The following MAPK10 variants were observed in gnomAD, a reference collection of about 807,000 sequenced individuals.
MAPK10 encodes JNK3 alpha protein kinase.
A neutral mutation model predicts 59.3 loss-of-function variants in MAPK10; 25 were observed. The ratio of observed to expected loss-of-function variants is 0.42; its 90% CI spans 0.31 to 0.59. The LOEUF is 0.59. MAPK10 is among the 20% of genes least tolerant of loss of function. The pLI is 0.15. For synonymous variants in MAPK10, 190 were observed against 200.5 expected (o/e 0.95, Z 0.44); for missense variants, 351 against 568.9 (o/e 0.62, Z 3.90).
chr4:86,541,471 A>G (rs1205699952), intron 1 of MAPK10, among the ~76,000 whole-genome samples: 8 of 152,210 alleles, frequency 5.3e-5, no homozygotes, highest in African/African-American at 1.9e-4. Context: ...GACCGCCACC[A>G]GGAAGGGGAG....
chr4:86,187,597 T>C lies in MAPK10; in HGVS notation c.66+6739A>G, dbSNP rs549450839. Among the ~76,000 whole-genome samples the C allele has an allele frequency of 2.0e-5, 3 of 152,298 alleles. No individual in the cohort carries two copies. The South Asian group carries it at 6.2e-4, about 32-fold the overall frequency. ...CTACTGTAAAGAATGAAACTATTTT[T>C]ATGGTTAAAGACCCATTTCAAGGAT... On this transcript the variant is annotated intron_variant, in intron 3 of 13. Coordinates refer to ENST00000641462, the MANE Select transcript of MAPK10 (RefSeq NM_138982.4).
intron 1 of MAPK10, among the ~76,000 whole-genome samples, chr4:86,526,818 C>T (rs1757499256): frequency 6.6e-6 from 1 of 152,080 alleles, no homozygotes; most frequent in African/African-American, 2.4e-5. Flanking sequence ...TTTGTTTACC[C>T]AAAAGTCATT....
intron 2 of MAPK10, among the ~76,000 whole-genome samples, chr4:86,249,447 T>C (rs2093303970): frequency 6.6e-6 from 1 of 152,106 alleles, no homozygotes; most frequent in South Asian, 2.1e-4. Flanking sequence ...CCCTGTTAAT[T>C]TGGAAAGAGA....
chr4:86,582,716 T>C (rs1342280819), intron 1 of MAPK10, among the ~76,000 whole-genome samples: 1 of 152,182 alleles, frequency 6.6e-6, no homozygotes, highest in Admixed American at 6.5e-5. Flanking sequence ...ACTAAACCAA[T>C]GAGCCCTCAA....
intron 1 of MAPK10, among the ~76,000 whole-genome samples, chr4:86,493,108 G>C (rs565723096): frequency 6.6e-6 from 1 of 152,138 alleles, no homozygotes; most frequent in Non-Finnish European, 1.5e-5. Context: ...TAAGGCAAAC[G>C]CTGAGTTGTA....
intron 1 of MAPK10, among the ~76,000 whole-genome samples, chr4:86,377,881 G>A (rs1665064688): frequency 6.6e-6 from 1 of 152,084 alleles, no homozygotes; most frequent in South Asian, 2.1e-4. Context: ...GATACAGGAT[G>A]GGAGGCTAGG....
At chr4:86,240,463 CTAT>C (rs2092641167) in intron 2 of MAPK10, among the ~76,000 whole-genome samples, 1 of 152,130 alleles carries the variant, frequency 6.6e-6, no homozygotes, top group East Asian at 1.9e-4. Flanking sequence ...ACGTCTCCCA[CTAT>C]TATTGTGTGG....
intron 2 of MAPK10, among the ~76,000 whole-genome samples, chr4:86,345,393 C>T (rs1179643980): frequency 1.3e-5 from 2 of 152,108 alleles, no homozygotes; most frequent in Non-Finnish European, 2.9e-5. Flanking sequence ...TGAAGCTCAG[C>T]TTTGTCTTAT....
At chr4:86,085,679 T>C (rs2051643586) in intron 9 of MAPK10, among the ~76,000 whole-genome samples, 1 of 152,040 alleles carries the variant, frequency 6.6e-6, no homozygotes, top group Admixed American at 6.6e-5. Flanking sequence ...AGGAGAACAG[T>C]TCTGTGGTTC....
In MAPK10 at chr4:86,413,580, G is replaced by A. The variant is rs143573839; in HGVS notation, c.-122+39450C>T. Among the ~76,000 whole-genome samples, 1,469 of 152,296 alleles carry A rather than the reference G, an allele frequency of 9.6e-3. 13 individuals carry two copies. Among genetic ancestry groups the A allele is most frequent in the African/African-American group, 0.025 (1,047 of 41,568 alleles). ...GGGCTCTGCCCAGTTCAAGCTTCCC[G>A]GCTGCTTTGTTTACACTGTGAGCTA... is the stretch of plus-strand genomic sequence containing the variant. On this transcript the variant is annotated intron_variant, in intron 1 of 13. Transcript: ENST00000361569.
intron 2 of MAPK10, among the ~76,000 whole-genome samples, chr4:86,295,955 C>T (rs1287852526): frequency 2.0e-5 from 3 of 151,152 alleles, no homozygotes; most frequent in African/African-American, 7.3e-5. Context: ...GCAAGCAGAT[C>T]ACCTGAGGTC....
At chr4:86,024,153 G>A (rs1252450701) in intron 13 of MAPK10, 1 of 151,884 alleles carries the variant, frequency 6.6e-6, no homozygotes, top group Admixed American at 6.6e-5. Context: ...ATTCAAATAA[G>A]GGTGAGATAA....
intron 1 of MAPK10, among the ~76,000 whole-genome samples, chr4:86,366,112 G>T: frequency 6.6e-6 from 1 of 152,006 alleles, no homozygotes; most frequent in African/African-American, 2.4e-5. Flanking sequence ...GATGAATCTC[G>T]AAACATGCTG....
chr4:86,088,322 G>A (rs1164758680), intron 9 of MAPK10, among the ~76,000 whole-genome samples: 2 of 152,196 alleles, frequency 1.3e-5, no homozygotes, highest in East Asian at 3.9e-4. Flanking sequence ...TGAGACTACA[G>A]GGACTTTCAC....
At chr4:86,560,082 C>T (rs1760561350) in intron 1 of MAPK10, among the ~76,000 whole-genome samples, 1 of 151,952 alleles carries the variant, frequency 6.6e-6, no homozygotes, top group African/African-American at 2.4e-5. Flanking sequence ...TATTACTAAT[C>T]ATTTAATTTC....
chr4:86,581,919 A>ATAT (rs1762329493), intron 1 of MAPK10, among the ~76,000 whole-genome samples: 1 of 114,122 alleles, frequency 8.8e-6, no homozygotes, highest in African/African-American at 3.2e-5. Context: ...ATATATATAT[A>ATAT]TATATATATA....
chr4:86,220,184 T>C (rs1378396692), intron 2 of MAPK10, among the ~76,000 whole-genome samples: 1 of 152,214 alleles, frequency 6.6e-6, no homozygotes, highest in Non-Finnish European at 1.5e-5. Context: ...AATCTTAGTT[T>C]GCTTTAATTT....
chr4:86,331,080 T>G (rs1564447452), intron 2 of MAPK10, among the ~76,000 whole-genome samples: 1 of 152,132 alleles, frequency 6.6e-6, no homozygotes, highest in Non-Finnish European at 1.5e-5. Flanking sequence ...TTCAAGACTG[T>G]TGGGATAAAC....
At chr4:86,482,371 T>TG (rs1375859279) in intron 1 of MAPK10, among the ~76,000 whole-genome samples, 3 of 152,162 alleles carry the variant, frequency 2.0e-5, no homozygotes, top group Non-Finnish European at 4.4e-5. Context: ...TCCACCAACA[T>TG]AAATCTTGCT....
Sources: gnomAD v4.1 joint callset for allele counts (sites outside exome capture counted in the v4.1 genomes callset) on GRCh38, gnomAD v4.1.1 for gene constraint, MANE v1.5 for transcripts, NCBI Gene and HGNC (gene_info 2026-07-23, HGNC 2026-07-21) for gene names.